The following ANKRD33B variants were observed in gnomAD, a reference collection of about 807,000 sequenced individuals.
The protein encoded by ANKRD33B is ankyrin repeat domain-containing protein 33B.
A neutral mutation model predicts 21.5 loss-of-function variants in ANKRD33B; 6 were observed. The observed-to-expected ratio is 0.28, with a 90% CI of 0.15 to 0.55. The LOEUF (loss-of-function observed/expected upper bound fraction) is 0.55. Among genes scored for constraint, ANKRD33B ranks in the 20% least tolerant of loss-of-function variants. The probability of loss-of-function intolerance (pLI) is 0.94; values close to 1 mark genes in which losing one functional copy is unlikely to be tolerated. For missense variants in ANKRD33B, 698 were observed against 747.2 expected (o/e 0.93, Z 0.77); for synonymous variants, 347 against 342.4 (o/e 1.01, Z -0.15).
chr5:10,602,259 T>C (rs77680052), intron 1 of ANKRD33B, among the ~76,000 whole-genome samples: 1,849 of 152,326 alleles, frequency 0.012, 38 homozygotes, highest in African/African-American at 0.042. Context: ...CAAAAGTAAT[T>C]GCAGGCTCCC....
At position 10,650,200 on chromosome 5, in the gene ANKRD33B, G is replaced by T. The variant is rs1329402203; in HGVS notation, c.*87G>T. 2.3e-6 allele frequency: 3 copies of T among 1,330,204 alleles called. No homozygotes were observed. Among genetic ancestry groups the T allele is most frequent in the Middle Eastern group, 2.8e-4 (1 of 3,614 alleles). 82.4% of individuals were successfully genotyped at this position (1,330,204 alleles called of 1,614,324 possible). On this transcript the variant is annotated 3_prime_UTR_variant, in exon 4 of 4. Transcript: ENST00000296657. ...GCGGAGAAGGAGGCGGCCCCGTTGC[G>T]CATCGCACCACTTCCGCTCCATGGA...
Position 10,591,195 on chromosome 5 carries a change from G to GT in ANKRD33B, c.366+26377dup, listed in dbSNP as rs112409223. On this transcript the variant is annotated intron_variant, in intron 1 of 3. Transcript: ENST00000296657. ...ATAGTCATCTACATTTTTTTTAGTG[G>GT]TTTTTTTTTTTTTTTGAGATGGAGT... Among the ~76,000 whole-genome samples the GT allele has an allele frequency of 1.2e-3, 160 of 132,068 alleles. 5 individuals are homozygous for GT. The South Asian group carries it at 0.02, about 17-fold the overall frequency. The allele number at this position is 132,068 out of a possible 152,430, so 86.6% of individuals were successfully genotyped here. A position where few individuals can be genotyped will look rare whatever the true frequency, so the allele number is the denominator to read the frequency against.
Position 10,576,938 on chromosome 5 carries a change from G to A in ANKRD33B, c.366+12105G>A, listed in dbSNP as rs1404849737. Among the ~76,000 whole-genome samples the A allele has an allele frequency of 2.0e-5, 3 of 152,170 alleles. No individual in the cohort carries two copies. Among genetic ancestry groups the A allele is most frequent in the South Asian group, 2.1e-4 (1 of 4,826 alleles). The stretch of plus-strand genomic sequence containing the variant: ...ATGACGCGAGGGTGGAGCCTGAAAC[G>A]CTGGCCCAGGAAATGGAACAGAAGC... On this transcript the variant is annotated intron_variant, in intron 1 of 3. Coordinates refer to ENST00000296657, the MANE Select transcript of ANKRD33B (RefSeq NM_001164440.2). This position sits in a 1 kb window ranked among gnomAD's most constrained non-coding sequence, Gnocchi z 4.1.
At chr5:10,594,904 G>A (rs990176150) in intron 1 of ANKRD33B, among the ~76,000 whole-genome samples, 4 of 152,166 alleles carry the variant, frequency 2.6e-5, no homozygotes, top group Non-Finnish European at 4.4e-5. Flanking sequence ...CTTGGTAGAG[G>A]ATGGGTGAAC....
intron 2 of ANKRD33B, among the ~76,000 whole-genome samples, chr5:10,633,137 C>G (rs1467422025): frequency 7.0e-6 from 1 of 143,216 alleles, no homozygotes; most frequent in East Asian, 2.1e-4. Context: ...GGGTCTTGCT[C>G]TGTCACCAGG....
At position 10,592,388 on chromosome 5, in the gene ANKRD33B, G is replaced by A. The variant is rs576860484; in HGVS notation, c.367-25945G>A. On this transcript the variant is annotated intron_variant, in intron 1 of 3. Coordinates refer to ENST00000296657, the MANE Select transcript of ANKRD33B (RefSeq NM_001164440.2). ...AGCACTTTGGGAGGCCAGGGCGGGC[G>A]GATCACCTGAGGTCAGGAGTTTAAG... Among the ~76,000 whole-genome samples, 58 of 150,524 alleles carry A rather than the reference G, an allele frequency of 3.9e-4. No homozygotes were observed. The South Asian group carries it at 0.011, about 29-fold the overall frequency.
intron 1 of ANKRD33B, among the ~76,000 whole-genome samples, chr5:10,588,914 T>A (rs1336377590): frequency 6.6e-6 from 1 of 152,184 alleles, no homozygotes; most frequent in Admixed American, 6.5e-5. Flanking sequence ...TTGCTTATTG[T>A]CATCACTTAT....
chr5:10,637,836 C>T (rs11742046), intron 2 of ANKRD33B, among the ~76,000 whole-genome samples, 192 bp from the exon 3 acceptor site: 63,612 of 151,782 alleles, frequency 0.42, 13,617 homozygotes, highest in Middle Eastern at 0.55. Flanking sequence ...GCAGCCAGGG[C>T]GGTGCCTTCT....
intron 1 of ANKRD33B, among the ~76,000 whole-genome samples, chr5:10,590,825 G>A (rs1286914589): frequency 6.6e-6 from 1 of 151,986 alleles, no homozygotes; most frequent in African/African-American, 2.4e-5. Context: ...CTCAGCAAAT[G>A]CCCTTAGGGA....
At chr5:10,591,077 A>G (rs980520391) in intron 1 of ANKRD33B, among the ~76,000 whole-genome samples, 1 of 151,938 alleles carries the variant, frequency 6.6e-6, no homozygotes, top group Non-Finnish European at 1.5e-5. Flanking sequence ...GAGAAGGTTT[A>G]AATTTTTATA....
intron 1 of ANKRD33B, 120 bp from the exon 2 acceptor site, chr5:10,618,213 G>A (rs1736329512): frequency 7.5e-7 from 1 of 1,335,664 alleles, no homozygotes; most frequent in South Asian, 1.4e-5. Flanking sequence ...GGGACTCCAG[G>A]TCCCTGTCAT....
At position 10,576,589 on chromosome 5, in the gene ANKRD33B, T is replaced by C. The variant is rs1384013252; in HGVS notation, c.366+11756T>C. Among the ~76,000 whole-genome samples, 1 of 152,214 alleles carries C rather than the reference T, an allele frequency of 6.6e-6. No homozygotes were observed. Among genetic ancestry groups the C allele is most frequent in the Non-Finnish European group, 1.5e-5 (1 of 68,024 alleles). On this transcript the variant is annotated intron_variant, in intron 1 of 3. Transcript: ENST00000296657. This position sits in a 1 kb window ranked among gnomAD's most constrained non-coding sequence, Gnocchi z 4.1. Reference sequence around the variant, plus strand: ...TTACTATGAAGATAATAACACCTCCTAGAGGTTCTAGGCAGAACTAACGAG... The same window carrying C: ...TTACTATGAAGATAATAACACCTCCCAGAGGTTCTAGGCAGAACTAACGAG...
At position 10,649,983 on chromosome 5, in the gene ANKRD33B, A is replaced by C; in HGVS notation, c.1355A>C (p.His452Pro). The part of the protein sequence containing the change: ...ARKGSTKDSG[H>P]LQIPKWRYKE... ...AAGGGCAGCACCAAGGACAGCGGCC[A>C]CCTGCAGATCCCCAAGTGGCGGTAC... is the stretch of plus-strand genomic sequence containing the variant. The change falls in exon 4 of 4, where the codon CAC becomes CCC. Residue 452 changes from histidine to proline, a missense_variant. Transcript: ENST00000296657. The C allele has an allele frequency of 6.5e-7, 1 of 1,533,550 alleles. No individual in the cohort carries two copies. Among genetic ancestry groups the C allele is most frequent in the Non-Finnish European group, 8.7e-7 (1 of 1,144,890 alleles). The allele number at this position is 1,533,550 out of a possible 1,614,324, so 95.0% of individuals were successfully genotyped here. A position where few individuals can be genotyped will look rare whatever the true frequency, so the allele number is the denominator to read the frequency against.
At chr5:10,624,833 C>A in intron 2 of ANKRD33B, 1 of 456,666 alleles carries the variant, frequency 2.2e-6, no homozygotes, top group South Asian at 1.5e-5. Flanking sequence ...TAACACAGAT[C>A]TGGTGGAAAC....
chr5:10,603,114 T>G (rs1735967738), intron 1 of ANKRD33B, among the ~76,000 whole-genome samples: 1 of 150,952 alleles, frequency 6.6e-6, no homozygotes, highest in Non-Finnish European at 1.5e-5. Context: ...GTGCCCGGCC[T>G]GATGGTCTAT....
intron 1 of ANKRD33B, among the ~76,000 whole-genome samples, chr5:10,608,086 C>G (rs1047661686): frequency 6.6e-6 from 1 of 151,782 alleles, no homozygotes; most frequent in African/African-American, 2.4e-5. Flanking sequence ...CGGGGGCTCA[C>G]GCCTATATTC....
At chr5:10,637,265 C>T (rs914466309) in intron 2 of ANKRD33B, among the ~76,000 whole-genome samples, 24 of 152,142 alleles carry the variant, frequency 1.6e-4, no homozygotes, top group Non-Finnish European at 1.5e-4. Context: ...GCACCATGGG[C>T]GTGCCTGGGA....
At position 10,656,714 on chromosome 5, in the gene ANKRD33B, C is replaced by G. The variant is rs1284991141; in HGVS notation, c.*6601C>G. 6.6e-6 allele frequency: 1 copy of G among 152,436 alleles called. No individual in the cohort carries two copies. Among genetic ancestry groups the G allele is most frequent in the Non-Finnish European group, 1.5e-5 (1 of 68,096 alleles). The allele number at this position is 152,436 out of a possible 1,614,324, so 9.4% of individuals were successfully genotyped here. A position where few individuals can be genotyped will look rare whatever the true frequency, so the allele number is the denominator to read the frequency against. On this transcript the variant is annotated 3_prime_UTR_variant, in exon 4 of 4. Transcript: ENST00000296657. ...ATTTGGCCAGGTCTGGGCCATCTCT[C>G]TGCCTCTGCCCTATCTTGGCTGCCT...
intron 1 of ANKRD33B, among the ~76,000 whole-genome samples, chr5:10,581,884 G>C (rs1735452045): frequency 6.6e-6 from 1 of 152,138 alleles, no homozygotes; most frequent in Admixed American, 6.5e-5. Flanking sequence ...AATCTCATGA[G>C]CCAGTTTCTT....
Sources: gnomAD v4.1 joint callset for allele counts (sites outside exome capture counted in the v4.1 genomes callset) on GRCh38, gnomAD v4.1.1 for gene constraint, Gnocchi (gnomAD v3.1) non-coding constraint, MANE v1.5 for transcripts, NCBI Gene and HGNC (gene_info 2026-07-23, HGNC 2026-07-21) for gene names.